Variants in ZNF609 observed in about 807,000 individuals in gnomAD.
ZNF609 encodes the protein zinc finger protein 609.
Under a neutral mutation model 109.5 loss-of-function variants are expected in ZNF609, and 11 were observed. The observed-to-expected ratio is 0.10, with a 90% CI of 0.06 to 0.17. The LOEUF is 0.17. Ranked by LOEUF, ZNF609 falls within the 10% of genes least tolerant of loss-of-function variation. The pLI is 1.00. For missense variants in ZNF609, 1,559 were observed against 1,772.4 expected, an observed-to-expected ratio of 0.88 and a Z score of 2.16; for synonymous variants, 646 against 662.0, an observed-to-expected ratio of 0.98 and a Z score of 0.37.
chr15:64,607,555 G>T (rs1053888648), intron 2 of ZNF609, among the ~76,000 whole-genome samples: 6 of 149,444 alleles, frequency 4.0e-5, no homozygotes, highest in African/African-American at 1.2e-4. Context: ...CCCAGGCTGG[G>T]GTGCAGTGGC....
chr15:64,640,415 G>A (rs557641661), intron 3 of ZNF609, among the ~76,000 whole-genome samples: 2 of 151,142 alleles, frequency 1.3e-5, no homozygotes, highest in South Asian at 4.2e-4. Flanking sequence ...TTTTTACTGA[G>A]AGTGAAAGGG....
At chr15:64,676,944 G>A (rs1896818263) in intron 5 of ZNF609, among the ~76,000 whole-genome samples, 2 of 151,846 alleles carry the variant, frequency 1.3e-5, no homozygotes, top group Non-Finnish European at 2.9e-5. Context: ...TAGTAGAGAC[G>A]GGGTTTCACC....
At chr15:64,664,094 G>C (rs545121705) in intron 3 of ZNF609, among the ~76,000 whole-genome samples, 3 of 152,192 alleles carry the variant, frequency 2.0e-5, no homozygotes, top group African/African-American at 7.2e-5. Flanking sequence ...GAGGTGTGGT[G>C]GTGCACACCT....
At chr15:64,659,420 C>T (rs1023299622) in intron 3 of ZNF609, among the ~76,000 whole-genome samples, 1 of 152,032 alleles carries the variant, frequency 6.6e-6, no homozygotes, top group Admixed American at 6.6e-5. Context: ...GATAGAGCTA[C>T]GTTAATATTT....
At chr15:64,478,747 G>T (rs969288777) in intron 1 of ZNF609, among the ~76,000 whole-genome samples, 14 of 152,264 alleles carry the variant, frequency 9.2e-5, no homozygotes, top group Admixed American at 5.9e-4. Context: ...AGCAGACAGA[G>T]TTCTAATATT....
chr15:64,598,637 A>G (rs1421469094), intron 2 of ZNF609, among the ~76,000 whole-genome samples: 6 of 150,846 alleles, frequency 4.0e-5, no homozygotes, highest in Admixed American at 2.7e-4. Context: ...ATAGGGATCT[A>G]TGCTATGATG....
intron 2 of ZNF609, among the ~76,000 whole-genome samples, chr15:64,518,817 G>A (rs550886812): frequency 6.6e-6 from 1 of 151,074 alleles, no homozygotes; most frequent in South Asian, 2.1e-4. Flanking sequence ...GAACCAAGCT[G>A]TTCATGGAAC....
chr15:64,527,493 G>A (rs1488311755), intron 2 of ZNF609, among the ~76,000 whole-genome samples: 1 of 152,014 alleles, frequency 6.6e-6, no homozygotes, highest in Non-Finnish European at 1.5e-5. Context: ...TCAAAGTACT[G>A]TAGTTATAGC....
intron 2 of ZNF609, among the ~76,000 whole-genome samples, chr15:64,526,183 C>T (rs1476271565): frequency 1.3e-5 from 2 of 149,382 alleles, no homozygotes; most frequent in Non-Finnish European, 3.0e-5. Flanking sequence ...AAATTTATTC[C>T]TGAGGATTTT....
At chr15:64,671,324 C>T (rs1896727614) in intron 4 of ZNF609, 1 of 151,890 alleles carries the variant, frequency 6.6e-6, no homozygotes, top group African/African-American at 2.4e-5. Flanking sequence ...TAGCATGGCC[C>T]CTGCACAAGG....
chr15:64,477,924 C>T (rs1053616703), intron 1 of ZNF609, among the ~76,000 whole-genome samples: 1 of 152,160 alleles, frequency 6.6e-6, no homozygotes, highest in African/African-American at 2.4e-5. Context: ...GCCACTGTGC[C>T]TGGCTGCATA....
chr15:64,567,253 A>G (rs1157521995), intron 2 of ZNF609, among the ~76,000 whole-genome samples: 1 of 152,106 alleles, frequency 6.6e-6, no homozygotes, highest in African/African-American at 2.4e-5. Flanking sequence ...TGGGAGGCCG[A>G]GGCGTGTGGA....
chr15:64,630,716 C>T (rs1443215320), intron 3 of ZNF609, among the ~76,000 whole-genome samples: 13 of 151,926 alleles, frequency 8.6e-5, no homozygotes, highest in Non-Finnish European at 1.9e-4. Flanking sequence ...GATCTGCCTG[C>T]CTCAGCCTCC....
intron 3 of ZNF609, among the ~76,000 whole-genome samples, chr15:64,633,125 A>T (rs960210034): frequency 1.1e-4 from 16 of 147,822 alleles, no homozygotes; most frequent in African/African-American, 4.1e-4. Context: ...TCTGTAACCT[A>T]TTAGAAGTGA....
chr15:64,491,220 T>G (rs755681021), intron 1 of ZNF609, among the ~76,000 whole-genome samples: 1 of 152,182 alleles, frequency 6.6e-6, no homozygotes, highest in Non-Finnish European at 1.5e-5. Flanking sequence ...ATTAGCAAGC[T>G]CCCATGAAGT....
chr15:64,607,426 A>G (rs1299825608), intron 2 of ZNF609, among the ~76,000 whole-genome samples: 1 of 152,014 alleles, frequency 6.6e-6, no homozygotes, highest in Non-Finnish European at 1.5e-5. Context: ...GCTGTCTTCT[A>G]TTAAACCAGA....
rs374887661 is a variant in ZNF609 at position 64,662,044 on chromosome 15, T to TTGACTGGGGCTGCCATCATCTGAAAGCA, written c.974-8300_974-8273dup. 7.2e-3 allele frequency among the ~76,000 whole-genome samples: 1,097 copies of TTGACTGGGGCTGCCATCATCTGAAAGCA among 152,278 alleles called. 14 individuals carry two copies. Among genetic ancestry groups the TTGACTGGGGCTGCCATCATCTGAAAGCA allele is most frequent in the African/African-American group, 0.025 (1,037 of 41,538 alleles). On this transcript the variant is annotated intron_variant, in intron 3 of 9. Transcript: ENST00000326648. ...TCTCTCATGAGGTTGTAGTCAGTTG[T>TTGACTGGGGCTGCCATCATCTGAAAGCA]TGACTGGGGCTGCCATCATCTGAAA...
At chr15:64,614,512 C>T (rs938606073) in intron 2 of ZNF609, among the ~76,000 whole-genome samples, 3 of 151,930 alleles carry the variant, frequency 2.0e-5, no homozygotes, top group Admixed American at 6.6e-5. Context: ...GCATTACAGG[C>T]GTGAGCCACC....
In ZNF609 at chr15:64,685,359, G is replaced by A. The variant is rs2083234649; in HGVS notation, c.*3673G>A. 1 of 152,594 alleles carries A rather than the reference G, an allele frequency of 6.6e-6. No homozygotes were observed. The highest frequency in any genetic ancestry group is 1.9e-4 in the East Asian group (1 of 5,196). 9.5% of individuals were successfully genotyped at this position (152,594 alleles called of 1,614,324 possible). On this transcript the variant is annotated 3_prime_UTR_variant, in exon 10 of 10. Transcript: ENST00000326648. Reference sequence around the variant, plus strand: ...TTTCCTGTTCTCCCTCAGCTCTCCTGATCTTCCTGGCCCTGCTCCATATGC... The same window carrying A: ...TTTCCTGTTCTCCCTCAGCTCTCCTAATCTTCCTGGCCCTGCTCCATATGC...
Sources: allele counts gnomAD v4.1 joint callset (sites outside exome capture counted in the v4.1 genomes callset), GRCh38; gene constraint gnomAD v4.1.1; transcripts MANE v1.5; gene names NCBI Gene and HGNC (gene_info 2026-07-23, HGNC 2026-07-21).